Variants in GLIPR2 observed in about 807,000 individuals in gnomAD.
GLIPR2 encodes Golgi-associated plant pathogenesis-related protein 1.
In GLIPR2, 21 loss-of-function variants were observed where a neutral mutation model predicts 20.4. The ratio of observed to expected loss-of-function variants is 1.03; its 90% CI spans 0.73 to 1.48. The LOEUF is 1.48. Among genes scored for constraint, GLIPR2 ranks in the 40% most tolerant of loss-of-function variants. The pLI, the probability that GLIPR2 is intolerant of heterozygous loss-of-function variation, is 0.00. For missense variants in GLIPR2, 205 were observed against 200.1 expected (o/e 1.02, Z -0.15); for synonymous variants, 91 against 80.5 (o/e 1.13, Z -0.70).
At chr9:36,157,088 C>A (rs10814340) in intron 4 of GLIPR2, among the ~76,000 whole-genome samples, 17,782 of 151,826 alleles carry the variant, frequency 0.12, 1,247 homozygotes, top group East Asian at 0.2. Context: ...GTGATCTTGG[C>A]TCACTGTAAC....
chr9:36,159,075 G>T (rs1285174628), intron 4 of GLIPR2, among the ~76,000 whole-genome samples: 1 of 151,838 alleles, frequency 6.6e-6, no homozygotes, highest in Admixed American at 6.6e-5. Context: ...AAAAAAAAAA[G>T]AATTTATGAT....
chr9:36,143,020 T>C (rs1350495322), intron 1 of GLIPR2, among the ~76,000 whole-genome samples: 1 of 152,182 alleles, frequency 6.6e-6, no homozygotes, highest in African/African-American at 2.4e-5. Flanking sequence ...ACACAGTGCC[T>C]AGCTGCAGCT....
At chr9:36,160,180 T>A (rs1011022648) in intron 4 of GLIPR2, among the ~76,000 whole-genome samples, 1 of 152,046 alleles carries the variant, frequency 6.6e-6, no homozygotes, top group Non-Finnish European at 1.5e-5. Context: ...TGCACCACCA[T>A]GCCCGGCTAA....
At position 36,162,976 on chromosome 9, in the gene GLIPR2, C is replaced by T. The variant is rs1375281142; in HGVS notation, c.*454C>T. 1 of 446,790 alleles carries T rather than the reference C, an allele frequency of 2.2e-6. No individual in the cohort carries two copies. The highest frequency in any genetic ancestry group is 2.5e-5 in the Admixed American group (1 of 39,792). 27.7% of individuals were successfully genotyped at this position (446,790 alleles called of 1,614,324 possible). On this transcript the variant is annotated 3_prime_UTR_variant, in exon 5 of 5. Coordinates refer to ENST00000377960, the MANE Select transcript of GLIPR2 (RefSeq NM_022343.4). ...TTATTAAACCCTCATTTAAATGTGA[C>T]ATAAAATACAGCTTTAAGCACATAA...
intron 1 of GLIPR2, among the ~76,000 whole-genome samples, chr9:36,140,134 C>T (rs922220360): frequency 6.6e-6 from 1 of 152,168 alleles, no homozygotes; most frequent in Admixed American, 6.5e-5. Context: ...GTCCTGTCCT[C>T]TCTCCCACAC....
In GLIPR2 at chr9:36,147,849, TC is replaced by T. The variant is rs1563882237; in HGVS notation, c.83del (p.Pro28HisfsTer2). On this transcript the variant is annotated frameshift_variant, in exon 2 of 5. Transcript: ENST00000377960. LOFTEE classifies it high-confidence loss of function. The stretch of plus-strand genomic sequence containing the variant: ...AATGAGTACCGGCAGAAGCACGGCG[TC>T]CCCCCACTGAAGCTCTGCAAGAACC... ...AHNEYRQKHG[V>X]PPLKLCKNLN... 3 of 1,598,894 alleles carry T rather than the reference TC, an allele frequency of 1.9e-6. No individual in the cohort carries two copies. The highest frequency in any genetic ancestry group is 2.6e-6 in the Non-Finnish European group (3 of 1,166,308).
Position 36,147,946 on chromosome 9 carries a change from C to T in GLIPR2, c.122+52C>T, listed in dbSNP as rs774369332. On this transcript the variant is annotated intron_variant, in intron 2 of 4. Coordinates refer to ENST00000377960, the MANE Select transcript of GLIPR2 (RefSeq NM_022343.4). ...CTTGGCCCTTCATGTGCTGCTACTG[C>T]AGTCACAAAGGGGCCCTGTGGCCAG... 3.4e-6 allele frequency: 3 copies of T among 871,116 alleles called. No individual in the cohort carries two copies. In the Admixed American group the frequency reaches 5.1e-5, roughly 15 times the overall value. 54.0% of individuals were successfully genotyped at this position (871,116 alleles called of 1,614,324 possible). A position where few individuals can be genotyped will look rare whatever the true frequency, so the allele number is the denominator to read the frequency against.
At chr9:36,141,467 G>GC (rs55840524) in intron 1 of GLIPR2, among the ~76,000 whole-genome samples, 1 of 151,872 alleles carries the variant, frequency 6.6e-6, no homozygotes, top group Non-Finnish European at 1.5e-5. Flanking sequence ...GGGGGCAGGG[G>GC]GCCTGTTCAC....
chr9:36,152,905 A>C (rs1825657695), intron 4 of GLIPR2, among the ~76,000 whole-genome samples: 1 of 147,700 alleles, frequency 6.8e-6, no homozygotes, highest in Admixed American at 6.8e-5. Flanking sequence ...GGTCAAGAGC[A>C]AGACAGGCCT....
chr9:36,136,934 C>G lies in GLIPR2; in HGVS notation c.13+143C>G. On this transcript the variant is annotated intron_variant, in intron 1 of 4. Transcript: ENST00000377960. This position sits in a 1 kb window ranked among gnomAD's most constrained non-coding sequence, Gnocchi z 4.3. ...GTGGAGGGCGCGCGGGCGGAGCGCC[C>G]CGGCGCGGTTTCCGGGGAACCCGGG... The G allele has an allele frequency of 9.8e-7, 1 of 1,020,086 alleles. No individual in the cohort carries two copies. The highest frequency in any genetic ancestry group is 1.3e-6 in the Non-Finnish European group (1 of 795,702). The allele number at this position is 1,020,086 out of a possible 1,614,324, so 63.2% of individuals were successfully genotyped here.
At chr9:36,161,074 T>A (rs1445511636) in intron 4 of GLIPR2, among the ~76,000 whole-genome samples, 1 of 151,788 alleles carries the variant, frequency 6.6e-6, no homozygotes, top group Non-Finnish European at 1.5e-5. Flanking sequence ...AAAATGATTT[T>A]GAGGGGCCAA....
chr9:36,139,079 G>A (rs1824956507), intron 1 of GLIPR2, among the ~76,000 whole-genome samples: 1 of 152,138 alleles, frequency 6.6e-6, no homozygotes, highest in African/African-American at 2.4e-5. Flanking sequence ...GGAGGCTGGA[G>A]AGGAGGATGG....
chr9:36,153,857 C>T (rs1161102863), intron 4 of GLIPR2, among the ~76,000 whole-genome samples: 1 of 151,442 alleles, frequency 6.6e-6, no homozygotes, highest in South Asian at 2.1e-4. Context: ...GCCAAGATCT[C>T]GCCACTGCAC....
intron 1 of GLIPR2, among the ~76,000 whole-genome samples, chr9:36,145,443 C>T (rs970968711): frequency 3.9e-5 from 6 of 152,204 alleles, no homozygotes; most frequent in African/African-American, 9.7e-5. Flanking sequence ...TATGGGAGCT[C>T]TTTGAGAGCA....
At chr9:36,158,440 C>T (rs1178775445) in intron 4 of GLIPR2, among the ~76,000 whole-genome samples, 3 of 152,120 alleles carry the variant, frequency 2.0e-5, no homozygotes, top group African/African-American at 7.2e-5. Context: ...TTCTTAACCA[C>T]CCTATGGGAA....
chr9:36,150,362 C>T (rs1171273434), intron 3 of GLIPR2, among the ~76,000 whole-genome samples: 1 of 152,178 alleles, frequency 6.6e-6, no homozygotes, highest in African/African-American at 2.4e-5. Flanking sequence ...CGTGTGGGGA[C>T]AGTGGATGCC....
Position 36,136,770 on chromosome 9 carries a change from G to C in GLIPR2, c.-9G>C, listed in dbSNP as rs1262147510. ...AGCCGCGGGGAGCGAGGAGCGCGCG[G>C]AGCCGGCCATGGGCAAGTCAGGTGA... is the stretch of plus-strand genomic sequence containing the variant. On this transcript the variant is annotated 5_prime_UTR_variant, in exon 1 of 5. Coordinates refer to ENST00000377960, the MANE Select transcript of GLIPR2 (RefSeq NM_022343.4). The surrounding 1 kb of genome is among the most constrained non-coding windows in gnomAD (Gnocchi z 4.3). 4 of 1,295,334 alleles carry C rather than the reference G, an allele frequency of 3.1e-6. No individual in the cohort carries two copies. The African/African-American group carries it at 6.2e-5, about 20-fold the overall frequency. The allele number at this position is 1,295,334 out of a possible 1,614,324, so 80.2% of individuals were successfully genotyped here.
At chr9:36,138,939 C>G (rs1223334511) in intron 1 of GLIPR2, among the ~76,000 whole-genome samples, 2 of 152,086 alleles carry the variant, frequency 1.3e-5, no homozygotes, top group Non-Finnish European at 2.9e-5. Flanking sequence ...AGGCACTGAT[C>G]TGAAAGCAGC....
chr9:36,160,372 G>A (rs1826004568), intron 4 of GLIPR2, among the ~76,000 whole-genome samples: 1 of 152,098 alleles, frequency 6.6e-6, no homozygotes, highest in South Asian at 2.1e-4. Flanking sequence ...ATGTGCCTGT[G>A]GTCCCAGCTA....
Sources: gnomAD v4.1 joint callset for allele counts (sites outside exome capture counted in the v4.1 genomes callset) on GRCh38, gnomAD v4.1.1 for gene constraint, Gnocchi (gnomAD v3.1) non-coding constraint, MANE v1.5 for transcripts, NCBI Gene and HGNC (gene_info 2026-07-23, HGNC 2026-07-21) for gene names.